VAT1L: variants seen among roughly 807,000 people sequenced by gnomAD.
The protein encoded by VAT1L is vesicle amine transport 1 like.
In VAT1L, 34 loss-of-function variants were observed where a neutral mutation model predicts 44.1. That is an observed-to-expected ratio of 0.77 (90% CI 0.59 to 1.03). The LOEUF (loss-of-function observed/expected upper bound fraction) is 1.03, where lower values mean the gene tolerates loss of function less well. Among genes scored for constraint, VAT1L ranks in the 50% least tolerant of loss-of-function variants. The pLI is 0.00. For missense variants in VAT1L, 615 were observed against 538.8 expected (o/e 1.14, Z -1.40); for synonymous variants, 253 against 202.2 (o/e 1.25, Z -2.13).
At chr16:77,806,285 T>C (rs146802457) in intron 1 of VAT1L, among the ~76,000 whole-genome samples, 3,300 of 150,416 alleles carry the variant, frequency 0.022, 55 homozygotes, top group Middle Eastern at 0.039. Flanking sequence ...TCTCGGCTCA[T>C]TGCAAGCTCC....
intron 7 of VAT1L, among the ~76,000 whole-genome samples, chr16:77,921,041 A>G (rs1158030908): frequency 2.0e-5 from 3 of 152,202 alleles, no homozygotes; most frequent in Admixed American, 2.0e-4. Context: ...TCATTAGATC[A>G]GCAGTGGCAA....
chr16:77,851,653 A>T (rs2016809741), intron 3 of VAT1L, among the ~76,000 whole-genome samples: 1 of 152,070 alleles, frequency 6.6e-6, no homozygotes, highest in South Asian at 2.1e-4. Context: ...AACCTGTATT[A>T]AAAAAATAAT....
chr16:77,827,778 C>T (rs1391552776), intron 3 of VAT1L, among the ~76,000 whole-genome samples: 8 of 152,056 alleles, frequency 5.3e-5, no homozygotes, highest in Admixed American at 5.2e-4. Context: ...AGGACTCTTT[C>T]TTTCTCTGTG....
chr16:77,939,311 A>G (rs2017846375), intron 7 of VAT1L, among the ~76,000 whole-genome samples: 1 of 152,152 alleles, frequency 6.6e-6, no homozygotes, highest in Non-Finnish European at 1.5e-5. Context: ...CGAGCTCCTG[A>G]GAGCCAATTG....
At chr16:77,847,478 C>T (rs951765442) in intron 3 of VAT1L, among the ~76,000 whole-genome samples, 1 of 152,204 alleles carries the variant, frequency 6.6e-6, no homozygotes. Context: ...CATATTTTAA[C>T]CCATGGGTGC....
chr16:77,897,985 C>T (rs1418862819), intron 7 of VAT1L, among the ~76,000 whole-genome samples: 1 of 152,202 alleles, frequency 6.6e-6, no homozygotes, highest in Non-Finnish European at 1.5e-5. Flanking sequence ...GTTCTGGAGG[C>T]TGGAAGTGTA....
chr16:77,840,492 A>G (rs2145259138), intron 3 of VAT1L, among the ~76,000 whole-genome samples: 1 of 152,278 alleles, frequency 6.6e-6, no homozygotes, highest in South Asian at 2.1e-4. Flanking sequence ...AAAACAACCG[A>G]TAAAGAGTAT....
intron 7 of VAT1L, among the ~76,000 whole-genome samples, chr16:77,909,808 C>A (rs1283307406): frequency 1.3e-5 from 2 of 152,038 alleles, no homozygotes; most frequent in African/African-American, 4.8e-5. Context: ...CAGTGGAGGA[C>A]CTGGGATTTG....
At chr16:77,864,644 A>T (rs1412987671) in intron 4 of VAT1L, among the ~76,000 whole-genome samples, 1 of 152,176 alleles carries the variant, frequency 6.6e-6, no homozygotes, top group African/African-American at 2.4e-5. Flanking sequence ...ACAGATTAAG[A>T]TGGGAAAACT....
chr16:77,794,584 C>G (rs764735544), intron 1 of VAT1L, among the ~76,000 whole-genome samples: 10 of 152,170 alleles, frequency 6.6e-5, no homozygotes, highest in Admixed American at 1.3e-4. Context: ...AAGGTTGATG[C>G]AATGAAAGGT....
At chr16:77,885,785 C>T (rs956015142) in intron 7 of VAT1L, among the ~76,000 whole-genome samples, 22 of 152,114 alleles carry the variant, frequency 1.4e-4, no homozygotes, top group African/African-American at 5.3e-4. Flanking sequence ...AAGGCTGTGT[C>T]TGTTTGCCTG....
chr16:77,895,100 C>CACACACACACACACACACA (rs2017308314), intron 7 of VAT1L, among the ~76,000 whole-genome samples: 205 of 145,252 alleles, frequency 1.4e-3, no homozygotes, highest in African/African-American at 4.9e-3. Flanking sequence ...AGCCACTTGC[C>CACACACACACACACACACA]CACACACACA....
At chr16:77,821,709 T>G (rs367850719) in intron 2 of VAT1L, among the ~76,000 whole-genome samples, 1 of 151,898 alleles carries the variant, frequency 6.6e-6, no homozygotes. Flanking sequence ...CCATAAGGAG[T>G]TGTCATAAGA....
intron 4 of VAT1L, among the ~76,000 whole-genome samples, chr16:77,872,625 A>G (rs147939866): frequency 0.012 from 1,799 of 152,154 alleles, 38 homozygotes; most frequent in African/African-American, 0.041. Context: ...GCTGCTTCCC[A>G]GTCTTCCTCC....
intron 7 of VAT1L, among the ~76,000 whole-genome samples, chr16:77,911,836 G>T (rs1209119186): frequency 6.6e-6 from 1 of 152,244 alleles, no homozygotes; most frequent in Non-Finnish European, 1.5e-5. Flanking sequence ...TCGGGAGGAT[G>T]AGAATTCCAA....
intron 7 of VAT1L, among the ~76,000 whole-genome samples, chr16:77,889,722 A>G (rs2017243825): frequency 6.6e-6 from 1 of 152,240 alleles, no homozygotes; most frequent in Non-Finnish European, 1.5e-5. Flanking sequence ...ATTAGACAAT[A>G]ACTTAGTATG....
chr16:77,919,809 C>T (rs535968676), intron 7 of VAT1L, among the ~76,000 whole-genome samples: 4 of 152,190 alleles, frequency 2.6e-5, no homozygotes, highest in African/African-American at 9.6e-5. Context: ...AAACCTTGGC[C>T]GGGCGTGGTA....
intron 7 of VAT1L, among the ~76,000 whole-genome samples, chr16:77,940,412 T>A (rs936515945): frequency 6.6e-6 from 1 of 150,728 alleles, no homozygotes; most frequent in African/African-American, 2.5e-5. Flanking sequence ...GGCACAGTCT[T>A]GGCTCACTGC....
At chr16:77,845,249 A>G (rs566736357) in intron 3 of VAT1L, among the ~76,000 whole-genome samples, 13 of 152,082 alleles carry the variant, frequency 8.5e-5, no homozygotes, top group Non-Finnish European at 1.5e-4. Flanking sequence ...CTGGTTTGCA[A>G]TTTGGCCCAT....
Sources: gnomAD v4.1 joint callset for allele counts (sites outside exome capture counted in the v4.1 genomes callset) on GRCh38, gnomAD v4.1.1 for gene constraint, MANE v1.5 for transcripts, NCBI Gene and HGNC (gene_info 2026-07-23, HGNC 2026-07-21) for gene names.